Variants in GPLD1 observed in about 807,000 individuals in gnomAD.
GPLD1 encodes the protein phosphatidylinositol-glycan-specific phospholipase D.
In GPLD1, 84 loss-of-function variants were observed where a neutral mutation model predicts 112.6. The ratio of observed to expected loss-of-function variants is 0.75; its 90% CI spans 0.63 to 0.89. The LOEUF is 0.89. GPLD1 is among the 40% of genes least tolerant of loss of function. The pLI, the probability that GPLD1 is intolerant of heterozygous loss-of-function variation, is 0.00. For synonymous variants in GPLD1, 386 were observed against 403.8 expected, an observed-to-expected ratio of 0.96 and a Z score of 0.53; for missense variants, 1,044 against 1,051.5, an observed-to-expected ratio of 0.99 and a Z score of 0.10.
rs371832777 is a variant in GPLD1 at position 24,446,858 on chromosome 6, C to A, written c.1800G>T (p.Pro600=). Residue 600 remains proline (P), a synonymous_variant, in exon 18 of 25, where the codon CCG becomes CCT. Coordinates refer to ENST00000230036, the MANE Select transcript of GPLD1 (RefSeq NM_001503.4). ...CTCACCTGCTGGCATTCTTCCAGGT[C>A]GGGCTCCCAACCAACAGCAAGGTTC... ...DNRTLLLVGS[P]TWKNASRLGH... 1 of 1,613,678 alleles carries A rather than the reference C, an allele frequency of 6.2e-7. No individual in the cohort carries two copies. Among genetic ancestry groups the A allele is most frequent in the East Asian group, 2.2e-5 (1 of 44,856 alleles).
In GPLD1 at chr6:24,428,836, G is replaced by A. The variant is rs1762315860; in HGVS notation, c.*196C>T. 9.1e-6 allele frequency: 4 copies of A among 441,066 alleles called. No homozygotes were observed. 27.3% of individuals were successfully genotyped at this position (441,066 alleles called of 1,614,324 possible). On this transcript the variant is annotated 3_prime_UTR_variant, in exon 25 of 25. Transcript: ENST00000230036. ...AATGTCTGCTATTTCACATATTTCT[G>A]GTGCAGTCATATATTTACTGTATCA...
At chr6:24,445,055 T>C (rs918050465) in intron 20 of GPLD1, among the ~76,000 whole-genome samples, 4 of 152,070 alleles carry the variant, frequency 2.6e-5, no homozygotes, top group Admixed American at 2.0e-4. Context: ...TGAGATGAAG[T>C]CTTGCTCTGT....
chr6:24,437,990 A>C (rs1762633686), intron 20 of GPLD1, among the ~76,000 whole-genome samples: 2 of 152,156 alleles, frequency 1.3e-5, no homozygotes, highest in African/African-American at 4.8e-5. Flanking sequence ...ACGCTACAGA[A>C]CTGCAAGAAC....
chr6:24,469,040 G>A (rs893053819), intron 7 of GPLD1, among the ~76,000 whole-genome samples: 3 of 152,170 alleles, frequency 2.0e-5, no homozygotes, highest in Non-Finnish European at 4.4e-5. Flanking sequence ...ACAAATATTA[G>A]TTATTTCCAT....
chr6:24,477,738 G>A (rs1764068838), intron 3 of GPLD1, among the ~76,000 whole-genome samples: 1 of 134,018 alleles, frequency 7.5e-6, no homozygotes, highest in Non-Finnish European at 1.6e-5. Flanking sequence ...TCTAAAAAAT[G>A]TAAAAATAAC....
In GPLD1 at chr6:24,431,637, C is replaced by T. The variant is rs540645569; in HGVS notation, c.2436+1550G>A. Reference sequence around the variant, plus strand: ...GCAACCTCCACCTCCCAGGTTCAAGCGATTCTCCTGCCTCAGTCTCCCGAA... The same window carrying T: ...GCAACCTCCACCTCCCAGGTTCAAGTGATTCTCCTGCCTCAGTCTCCCGAA... On this transcript the variant is annotated intron_variant, in intron 24 of 24. Coordinates refer to ENST00000230036, the MANE Select transcript of GPLD1 (RefSeq NM_001503.4). Among the ~76,000 whole-genome samples, 9 of 151,606 alleles carry T rather than the reference C, an allele frequency of 5.9e-5. No individual in the cohort carries two copies. The East Asian group carries it at 9.7e-4, about 16-fold the overall frequency.
chr6:24,437,859 C>A lies in GPLD1; in HGVS notation c.2021-570G>T, dbSNP rs1762628525. On this transcript the variant is annotated intron_variant, in intron 20 of 24. Transcript: ENST00000230036. Reference sequence around the variant, plus strand: ...ACTCCTGTCACCCTGCAGAATTTGGCTCAGGTGTCCCCTCCTCTGGGAAGC... The same window carrying A: ...ACTCCTGTCACCCTGCAGAATTTGGATCAGGTGTCCCCTCCTCTGGGAAGC... Among the ~76,000 whole-genome samples, 11 of 152,240 alleles carry A rather than the reference C, an allele frequency of 7.2e-5. No homozygotes were observed. The South Asian group carries it at 2.3e-3, about 32-fold the overall frequency.
chr6:24,479,896 T>C lies in GPLD1; in HGVS notation c.217A>G (p.Ser73Gly), dbSNP rs1474613923. The change falls in exon 3 of 25, where the codon AGC becomes GGC. Residue 73 changes from serine to glycine, a missense_variant. Ser to Gly is a moderately conservative substitution (Grantham distance 56). Coordinates refer to ENST00000230036, the MANE Select transcript of GPLD1 (RefSeq NM_001503.4). ...GIVFPDCFYPSICKGGKFHDV... is the reference protein window; with the variant it reads ...GIVFPDCFYPGICKGGKFHDV... Reference sequence around the variant, plus strand: ...TTCATCTTACCTCCTTTGCAGATGCTAGGGTAAAAACAATCAGGAAACACG... The same window carrying C: ...TTCATCTTACCTCCTTTGCAGATGCCAGGGTAAAAACAATCAGGAAACACG... 7 of 1,604,208 alleles carry C rather than the reference T, an allele frequency of 4.4e-6. No individual in the cohort carries two copies. The highest frequency in any genetic ancestry group is 6.0e-6 in the Non-Finnish European group (7 of 1,171,122).
chr6:24,457,440 C>T (rs1054277440), intron 12 of GPLD1, among the ~76,000 whole-genome samples: 1 of 152,118 alleles, frequency 6.6e-6, no homozygotes, highest in East Asian at 1.9e-4. Flanking sequence ...GAGATCTCAC[C>T]ATTGCACTCC....
chr6:24,463,184 A>C (rs1763492781), intron 10 of GPLD1, among the ~76,000 whole-genome samples: 2 of 112,076 alleles, frequency 1.8e-5, no homozygotes, highest in African/African-American at 7.9e-5. Flanking sequence ...TCTCAATTTC[A>C]TTTCTTTAAA....
At chr6:24,470,641 C>T (rs1763769741) in intron 7 of GPLD1, among the ~76,000 whole-genome samples, 1 of 152,032 alleles carries the variant, frequency 6.6e-6, no homozygotes, top group Non-Finnish European at 1.5e-5. Flanking sequence ...TCTTGTCTCT[C>T]AGGCTGAAGT....
intron 5 of GPLD1, among the ~76,000 whole-genome samples, chr6:24,474,777 T>C (rs1763951777): frequency 6.6e-6 from 1 of 152,016 alleles, no homozygotes; most frequent in African/African-American, 2.4e-5. Flanking sequence ...CCGTCTCTAC[T>C]AAAAATATAA....
At chr6:24,492,537 AAAAAAG>A (rs1561864090), upstream of GPLD1, among the ~76,000 whole-genome samples, 2 of 151,642 alleles carry the variant, frequency 1.3e-5, no homozygotes, top group African/African-American at 2.4e-5. Flanking sequence ...AGTGAAAGAA[AAAAAAG>A]AAAAAGAAAA....
In GPLD1 at chr6:24,449,827, C is replaced by A; in HGVS notation, c.1408G>T (p.Gly470Ter). ...NVDGVPDLAVGAPSVGSEQLT... is the reference protein window; with the variant it reads ...NVDGVPDLAV The stretch of plus-strand genomic sequence containing the variant: ...TGCTCGGAGCCCACCGAGGGAGCTC[C>A]CACGGCCAGGTCAGGCACGCCGTCC... The change falls in exon 15 of 25, where the codon GGA (glycine) becomes TGA (stop). Residue 470 changes from glycine (G) to a stop codon, truncating the protein, a stop_gained. Coordinates refer to ENST00000230036, the MANE Select transcript of GPLD1 (RefSeq NM_001503.4). LOFTEE classifies it high-confidence loss of function. 1 of 1,613,918 alleles carries A rather than the reference C, an allele frequency of 6.2e-7. No individual in the cohort carries two copies. Among genetic ancestry groups the A allele is most frequent in the Non-Finnish European group, 8.5e-7 (1 of 1,179,912 alleles).
chr6:24,447,790 G>T, intron 17 of GPLD1, 87 bp downstream of exon 17: 2 of 1,253,110 alleles, frequency 1.6e-6, no homozygotes, highest in South Asian at 1.4e-5. Flanking sequence ...ATGGAATAAG[G>T]AAAAAGGATA....
chr6:24,475,991 C>G (rs1483192104), intron 4 of GPLD1, among the ~76,000 whole-genome samples, 190 bp downstream of exon 4: 1 of 152,120 alleles, frequency 6.6e-6, no homozygotes, highest in Non-Finnish European at 1.5e-5. Flanking sequence ...AGTGATGTAT[C>G]CCAAACCGTG....
At chr6:24,490,509 G>A (rs1376708479), upstream of GPLD1, among the ~76,000 whole-genome samples, 1 of 152,166 alleles carries the variant, frequency 6.6e-6, no homozygotes, top group Non-Finnish European at 1.5e-5. Context: ...CCAGCACTCT[G>A]GGAGGCTGAG....
intron 20 of GPLD1, among the ~76,000 whole-genome samples, chr6:24,441,948 T>C (rs1322894882): frequency 6.7e-6 from 1 of 148,960 alleles, no homozygotes; most frequent in East Asian, 1.9e-4. Context: ...TAATTCATAT[T>C]TATATATAAT....
chr6:24,486,471 TA>T (rs1370307411), intron 1 of GPLD1, among the ~76,000 whole-genome samples: 2 of 152,086 alleles, frequency 1.3e-5, no homozygotes, highest in Non-Finnish European at 2.9e-5. Context: ...GTTGAAATAA[TA>T]AATGCTAAGT....
Sources: gnomAD v4.1 joint callset for allele counts (sites outside exome capture counted in the v4.1 genomes callset) on GRCh38, gnomAD v4.1.1 for gene constraint, MANE v1.5 for transcripts, NCBI Gene and HGNC (gene_info 2026-07-23, HGNC 2026-07-21) for gene names.